The following CEPT1 variants were observed in gnomAD, a reference collection of about 807,000 sequenced individuals.
CEPT1 encodes choline/ethanolamine phosphotransferase 1, also known as choline/ethanolaminephosphotransferase 1.
CEPT1 carries 7 observed loss-of-function variants against 42.6 expected under a neutral mutation model. The observed-to-expected ratio is 0.16, with a 90% CI of 0.09 to 0.31. CEPT1 has a LOEUF of 0.31. Ranked by LOEUF, CEPT1 falls within the 10% of genes least tolerant of loss-of-function variation. The pLI, the probability that CEPT1 is intolerant of heterozygous loss-of-function variation, is 1.00. For synonymous variants in CEPT1, 171 were observed against 171.9 expected, an observed-to-expected ratio of 0.99 and a Z score of 0.04; for missense variants, 306 against 502.1, an observed-to-expected ratio of 0.61 and a Z score of 3.73.
intron 4 of CEPT1, among the ~76,000 whole-genome samples, chr1:111,165,044 C>CT (rs11323094): frequency 0.13 from 11,186 of 83,994 alleles, 1,797 homozygotes; most frequent in African/African-American, 0.23. Context: ...AAACATCGGT[C>CT]TTTTTTTTTT....
chr1:111,148,658 C>A (rs561265953), intron 2 of CEPT1, among the ~76,000 whole-genome samples: 6 of 152,230 alleles, frequency 3.9e-5, no homozygotes, highest in Non-Finnish European at 5.9e-5. Context: ...CAAAGACTCA[C>A]ACAGGCCTTC....
At chr1:111,144,202 T>C (rs1395616109) in intron 1 of CEPT1, among the ~76,000 whole-genome samples, 1 of 152,202 alleles carries the variant, frequency 6.6e-6, no homozygotes, top group Non-Finnish European at 1.5e-5. Context: ...GTCTTTTCTG[T>C]AATGGTTTTC....
At chr1:111,145,273 C>T (rs1418657741) in intron 1 of CEPT1, among the ~76,000 whole-genome samples, 2 of 152,212 alleles carry the variant, frequency 1.3e-5, no homozygotes. Context: ...GCCTCAGCCT[C>T]CCAAAGTGGC....
intron 4 of CEPT1, among the ~76,000 whole-genome samples, chr1:111,172,834 C>T (rs549341083): frequency 3.9e-5 from 6 of 152,298 alleles, no homozygotes; most frequent in African/African-American, 1.2e-4. Flanking sequence ...TAACTAACTA[C>T]CAACTGGTAA....
chr1:111,184,183 C>G lies in CEPT1; in HGVS notation c.1132-8C>G, dbSNP rs140008223. 2.0e-4 allele frequency: 327 copies of G among 1,613,036 alleles called. 1 individual carries two copies. In the East Asian group the frequency reaches 6.6e-3, roughly 32 times the overall value. ...AACGGGTGCTGAGAATGTCTCTTTT[C>G]TTTCCAGGTTTTCTCTTTCTTTGAT... On this transcript the variant is annotated splice_region_variant and splice_polypyrimidine_tract_variant and intron_variant, in intron 8 of 8. Coordinates refer to ENST00000357172, the MANE Select transcript of CEPT1 (RefSeq NM_006090.5).
chr1:111,175,557 C>T lies in CEPT1; in HGVS notation c.714+594C>T, dbSNP rs1378003627. ...ACAAGCTCTGGAACCAGACTGTGTG[C>T]GTTTGACCCAGGTTCCATGGCCTAC... On this transcript the variant is annotated intron_variant, in intron 5 of 8. Transcript: ENST00000357172. Among the ~76,000 whole-genome samples the T allele has an allele frequency of 3.3e-5, 5 of 152,130 alleles. No individual in the cohort carries two copies. In the East Asian group the frequency reaches 5.8e-4, roughly 18 times the overall value.
At chr1:111,142,897 C>G (rs1654737771) in intron 1 of CEPT1, among the ~76,000 whole-genome samples, 1 of 152,138 alleles carries the variant, frequency 6.6e-6, no homozygotes, top group African/African-American at 2.4e-5. Flanking sequence ...TTACTGATTA[C>G]AAGTGAAAAG....
chr1:111,176,479 A>G (rs1401963972), intron 5 of CEPT1, among the ~76,000 whole-genome samples: 1 of 152,154 alleles, frequency 6.6e-6, no homozygotes, highest in Non-Finnish European at 1.5e-5. Context: ...AATTATTTGT[A>G]ATATGTTGTA....
intron 1 of CEPT1, among the ~76,000 whole-genome samples, chr1:111,147,194 A>G (rs1655015278): frequency 1.3e-5 from 2 of 152,260 alleles, no homozygotes; most frequent in South Asian, 2.1e-4. Flanking sequence ...GGCATGCCCA[A>G]TAAATGTTAG....
At chr1:111,150,980 A>G (rs78264838) in intron 2 of CEPT1, among the ~76,000 whole-genome samples, 4,589 of 152,266 alleles carry the variant, frequency 0.03, 233 homozygotes, top group African/African-American at 0.1. Context: ...CCTTGCCTCC[A>G]TCCACAAAAA....
In CEPT1 at chr1:111,184,443, G is replaced by A. The variant is rs1365226565; in HGVS notation, c.*133G>A. ...TGTATAACTTTTATTCTTTATTATT[G>A]GTAACACGCCCTAACTATCCTGTGT... is the stretch of plus-strand genomic sequence containing the variant. On this transcript the variant is annotated 3_prime_UTR_variant, in exon 9 of 9. Coordinates refer to ENST00000357172, the MANE Select transcript of CEPT1 (RefSeq NM_006090.5). 4.1e-5 allele frequency: 26 copies of A among 639,280 alleles called. No homozygotes were observed. Among genetic ancestry groups the A allele is most frequent in the Non-Finnish European group, 4.9e-5 (20 of 406,338 alleles). The allele number at this position is 639,280 out of a possible 1,614,324, so 39.6% of individuals were successfully genotyped here. A position where few individuals can be genotyped will look rare whatever the true frequency, so the allele number is the denominator to read the frequency against.
At chr1:111,146,916 T>C (rs542107813) in intron 1 of CEPT1, among the ~76,000 whole-genome samples, 2 of 152,286 alleles carry the variant, frequency 1.3e-5, no homozygotes, top group East Asian at 3.9e-4. Flanking sequence ...TATTCGTTTT[T>C]ACCAATAAGA....
At chr1:111,161,031 C>T (rs1655843297) in intron 3 of CEPT1, 124 bp from the exon 4 acceptor site, 6 of 912,352 alleles carry the variant, frequency 6.6e-6, no homozygotes, top group Non-Finnish European at 1.0e-5. Flanking sequence ...TTTTCTGTTA[C>T]AATAGATAAC....
chr1:111,156,977 CATA>C (rs1655608780), intron 2 of CEPT1, among the ~76,000 whole-genome samples: 1 of 152,130 alleles, frequency 6.6e-6, no homozygotes, highest in Admixed American at 6.5e-5. Flanking sequence ...CTTATCAGGA[CATA>C]ATGAGTTCTG....
At chr1:111,152,332 GGA>G (rs1488662252) in intron 2 of CEPT1, among the ~76,000 whole-genome samples, 1 of 151,482 alleles carries the variant, frequency 6.6e-6, no homozygotes, top group East Asian at 1.9e-4. Flanking sequence ...AAGTGAAGGG[GGA>G]AAAAAATTAC....
chr1:111,164,659 T>C (rs1213997988), intron 4 of CEPT1, among the ~76,000 whole-genome samples: 1 of 144,818 alleles, frequency 6.9e-6, no homozygotes, highest in Admixed American at 7.0e-5. Context: ...ACTCTTGCTC[T>C]GTTTCCCAGG....
At chr1:111,178,429 A>G (rs2101393141) in intron 5 of CEPT1, 1 of 152,182 alleles carries the variant, frequency 6.6e-6, no homozygotes, top group Admixed American at 6.5e-5. Flanking sequence ...ATTTTTACCA[A>G]AGATTATAGT....
intron 4 of CEPT1, 95 bp from the exon 5 acceptor site, chr1:111,174,784 T>C: frequency 1.5e-6 from 1 of 682,400 alleles, no homozygotes; most frequent in Non-Finnish European, 2.5e-6. Flanking sequence ...TTTTTTTCTA[T>C]TGTGCATGAT....
intron 2 of CEPT1, among the ~76,000 whole-genome samples, chr1:111,157,379 T>G (rs12745827): frequency 0.11 from 16,075 of 152,260 alleles, 1,083 homozygotes; most frequent in Non-Finnish European, 0.16. Flanking sequence ...GCATGTTCTA[T>G]GTCTGTGAGG....
Sources: allele counts gnomAD v4.1 joint callset (sites outside exome capture counted in the v4.1 genomes callset), GRCh38; gene constraint gnomAD v4.1.1; transcripts MANE v1.5; gene names NCBI Gene and HGNC (gene_info 2026-07-23, HGNC 2026-07-21).